Variants in CCDC91 observed in about 807,000 individuals in gnomAD.
CCDC91 encodes coiled-coil domain-containing protein 91.
In CCDC91, 48 loss-of-function variants were observed where a neutral mutation model predicts 63.2. The ratio of observed to expected loss-of-function variants is 0.76; its 90% CI spans 0.60 to 0.97. The LOEUF is 0.97. Among genes scored for constraint, CCDC91 ranks in the 50% least tolerant of loss-of-function variants. The pLI is 0.00. For synonymous variants in CCDC91, 167 were observed against 165.8 expected, an observed-to-expected ratio of 1.01 and a Z score of -0.06; for missense variants, 500 against 494.6, an observed-to-expected ratio of 1.01 and a Z score of -0.10.
At chr12:28,483,938 C>T (rs2140916701) in intron 11 of CCDC91, 114 bp from the exon 12 acceptor site, 2 of 574,308 alleles carry the variant, frequency 3.5e-6, no homozygotes, top group Middle Eastern at 2.7e-4. Context: ...TAAAGGTACA[C>T]TTTGAATAGA....
Position 28,331,490 on chromosome 12 carries a change from CATT to C in CCDC91, c.576+23744_576+23746del, listed in dbSNP as rs373025554. On this transcript the variant is annotated intron_variant, in intron 6 of 12. Transcript: ENST00000536442. The stretch of plus-strand genomic sequence containing the variant: ...CCCTTTTGAAAAATCATTTTTAAAA[CATT>C]ATGGAAATGCCACAGTTCTTGAAAT... Among the ~76,000 whole-genome samples the C allele has an allele frequency of 2.4e-3, 358 of 152,250 alleles. 1 individual carries two copies. The highest frequency in any genetic ancestry group is 8.2e-3 in the African/African-American group (342 of 41,558).
At chr12:28,446,705 T>C (rs1342418718) in intron 8 of CCDC91, among the ~76,000 whole-genome samples, 1 of 152,128 alleles carries the variant, frequency 6.6e-6, no homozygotes, top group African/African-American at 2.4e-5. Flanking sequence ...ACTCAAGTGA[T>C]CCATCCATCT....
chr12:28,322,886 A>G lies in CCDC91; in HGVS notation c.576+15137A>G, dbSNP rs1247857765. 3.3e-5 allele frequency among the ~76,000 whole-genome samples: 5 copies of G among 151,678 alleles called. No homozygotes were observed. In the Admixed American group the frequency reaches 3.3e-4, roughly 10 times the overall value. ...AGACTTTTAATATGCCAGTTAGAGA[A>G]GTAAAATATAACTTTTGATATTTTA... On this transcript the variant is annotated intron_variant, in intron 6 of 12. Coordinates refer to ENST00000536442, the MANE Select transcript of CCDC91 (RefSeq NM_018318.5).
chr12:28,213,593 C>G (rs1943380090), intron 1 of CCDC91, among the ~76,000 whole-genome samples: 2 of 152,202 alleles, frequency 1.3e-5, no homozygotes, highest in African/African-American at 4.8e-5. Context: ...GTGTTTTGTT[C>G]TTATTCCTGC....
At chr12:28,366,520 A>G (rs1337953164) in intron 7 of CCDC91, among the ~76,000 whole-genome samples, 1 of 152,224 alleles carries the variant, frequency 6.6e-6, no homozygotes, top group East Asian at 1.9e-4. Flanking sequence ...TTATCAGCTT[A>G]TAAATGAGGA....
chr12:28,233,155 T>C (rs1293202813), intron 1 of CCDC91, among the ~76,000 whole-genome samples: 6 of 151,940 alleles, frequency 3.9e-5, no homozygotes, highest in African/African-American at 1.5e-4. Context: ...CTGATAAATA[T>C]ATACCTGTGT....
intron 8 of CCDC91, among the ~76,000 whole-genome samples, chr12:28,394,711 G>GCTCTCT (rs151131648): frequency 5.8e-5 from 8 of 136,948 alleles, no homozygotes; most frequent in African/African-American, 2.1e-4. Context: ...TCTGTTTCTT[G>GCTCTCT]CTCTCTCTCT....
At chr12:28,545,653 G>A (rs1942937724) in intron 12 of CCDC91, among the ~76,000 whole-genome samples, 1 of 152,008 alleles carries the variant, frequency 6.6e-6, no homozygotes, top group African/African-American at 2.4e-5. Flanking sequence ...AGTGAGCCTT[G>A]GCAGCTGCCT....
chr12:28,475,552 A>G (rs1283256285), intron 11 of CCDC91, among the ~76,000 whole-genome samples: 3 of 152,082 alleles, frequency 2.0e-5, no homozygotes, highest in Non-Finnish European at 4.4e-5. Context: ...ATTGAGAACA[A>G]TACAGAACAA....
chr12:28,338,836 C>A (rs181326876), intron 6 of CCDC91, among the ~76,000 whole-genome samples: 1 of 151,760 alleles, frequency 6.6e-6, no homozygotes, highest in Non-Finnish European at 1.5e-5. Flanking sequence ...TTCTTTTTTT[C>A]TTTTTCTTTC....
chr12:28,363,596 C>A (rs1160564946), intron 7 of CCDC91, among the ~76,000 whole-genome samples: 1 of 152,064 alleles, frequency 6.6e-6, no homozygotes, highest in East Asian at 1.9e-4. Context: ...TTCCGTAAAT[C>A]ATTTGGGCCG....
intron 12 of CCDC91, among the ~76,000 whole-genome samples, chr12:28,509,512 A>G (rs1017188722): frequency 1.3e-5 from 2 of 151,942 alleles, no homozygotes; most frequent in African/African-American, 4.8e-5. Context: ...TATAATACAC[A>G]TCAACAGTTT....
chr12:28,267,822 T>A (rs1436433577), intron 3 of CCDC91, among the ~76,000 whole-genome samples: 8 of 5,732 alleles, frequency 1.4e-3, no homozygotes, highest in South Asian at 4.3e-3. Flanking sequence ...ATAATTATAT[T>A]ATTAATATAT....
chr12:28,382,239 T>C (rs1945338682), intron 7 of CCDC91, among the ~76,000 whole-genome samples: 1 of 151,890 alleles, frequency 6.6e-6, no homozygotes, highest in African/African-American at 2.4e-5. Context: ...GAGATCTATA[T>C]TTTATGAATG....
intron 12 of CCDC91, among the ~76,000 whole-genome samples, chr12:28,525,075 G>A (rs1487788796): frequency 6.6e-6 from 1 of 151,810 alleles, no homozygotes; most frequent in Non-Finnish European, 1.5e-5. Flanking sequence ...CTTTTGTATT[G>A]TTTTTTGTTT....
chr12:28,316,556 CTTTTTTTTTTTT>C (rs67889099), intron 6 of CCDC91, among the ~76,000 whole-genome samples: 3 of 28,446 alleles, frequency 1.1e-4, no homozygotes, highest in Non-Finnish European at 2.0e-4. Flanking sequence ...CAACTCACAC[CTTTTTTTTTTTT>C]TTTTTTTTTT....
intron 11 of CCDC91, among the ~76,000 whole-genome samples, chr12:28,476,705 AAATT>A (rs1470950197): frequency 1.3e-5 from 2 of 152,106 alleles, no homozygotes; most frequent in African/African-American, 4.8e-5. Flanking sequence ...AAGATCAACA[AAATT>A]AATAGACCAC....
intron 1 of CCDC91, among the ~76,000 whole-genome samples, chr12:28,200,073 A>G (rs1172447241): frequency 1.3e-5 from 2 of 151,512 alleles, no homozygotes; most frequent in Non-Finnish European, 2.9e-5. Flanking sequence ...CTCATTATGC[A>G]TATGTTGGTA....
intron 7 of CCDC91, among the ~76,000 whole-genome samples, chr12:28,368,938 C>T (rs1021645493): frequency 5.3e-5 from 8 of 152,058 alleles, no homozygotes; most frequent in East Asian, 1.9e-4. Flanking sequence ...AATCTGCCCC[C>T]GTGATCCAGT....
Sources: gnomAD v4.1 joint callset for allele counts (sites outside exome capture counted in the v4.1 genomes callset) on GRCh38, gnomAD v4.1.1 for gene constraint, MANE v1.5 for transcripts, NCBI Gene and HGNC (gene_info 2026-07-23, HGNC 2026-07-21) for gene names.